Variants in PSTPIP2 observed in about 807,000 individuals in gnomAD.
The protein encoded by PSTPIP2 is proline-serine-threonine phosphatase-interacting protein 2.
PSTPIP2 carries 33 observed loss-of-function variants against 63.3 expected under a neutral mutation model. The ratio of observed to expected loss-of-function variants is 0.52; its 90% CI spans 0.40 to 0.70. The LOEUF is 0.70. Ranked by LOEUF, PSTPIP2 falls within the 30% of genes least tolerant of loss-of-function variation. The pLI, the probability that PSTPIP2 is intolerant of heterozygous loss-of-function variation, is 0.00. For synonymous variants in PSTPIP2, 125 were observed against 132.7 expected, an observed-to-expected ratio of 0.94 and a Z score of 0.40; for missense variants, 312 against 400.7, an observed-to-expected ratio of 0.78 and a Z score of 1.89.
At chr18:45,992,672 T>C (rs567529718) in intron 10 of PSTPIP2, among the ~76,000 whole-genome samples, 2 of 152,190 alleles carry the variant, frequency 1.3e-5, no homozygotes, top group Admixed American at 1.3e-4. Context: ...CAGATTCATA[T>C]TGGAGCTTTT....
intron 2 of PSTPIP2, among the ~76,000 whole-genome samples, chr18:46,032,363 C>A (rs1315876605): frequency 6.6e-6 from 1 of 152,140 alleles, no homozygotes; most frequent in East Asian, 1.9e-4. Context: ...GCTGGCTACG[C>A]TTCACAAAGC....
intron 1 of PSTPIP2, among the ~76,000 whole-genome samples, chr18:46,066,561 C>T (rs1349065143): frequency 1.3e-5 from 2 of 152,172 alleles, no homozygotes; most frequent in Non-Finnish European, 2.9e-5. Flanking sequence ...CAACAAGTTG[C>T]TGTGTTTTCT....
intron 3 of PSTPIP2, 46 bp downstream of exon 3, chr18:46,024,563 G>T: frequency 6.7e-7 from 1 of 1,503,484 alleles, no homozygotes; most frequent in Non-Finnish European, 9.3e-7. Flanking sequence ...GGAGCTCCCA[G>T]GCATTATTAA....
intron 5 of PSTPIP2, among the ~76,000 whole-genome samples, chr18:46,009,217 C>T (rs1042582028): frequency 6.6e-6 from 1 of 151,868 alleles, no homozygotes; most frequent in Admixed American, 6.6e-5. Flanking sequence ...CCTCTTGTGC[C>T]CTCATTTATT....
chr18:46,003,456 T>A (rs1279889958), intron 6 of PSTPIP2, among the ~76,000 whole-genome samples: 2 of 152,148 alleles, frequency 1.3e-5, no homozygotes, highest in Non-Finnish European at 2.9e-5. Context: ...GGTCCCCAGG[T>A]TTTTTACGTG....
chr18:46,056,061 C>T (rs8092933), intron 1 of PSTPIP2, among the ~76,000 whole-genome samples: 2,589 of 152,266 alleles, frequency 0.017, 83 homozygotes, highest in African/African-American at 0.059. Flanking sequence ...CAAACTTGCC[C>T]TCTCCCTTCT....
Position 45,999,458 on chromosome 18 carries a change from A to G in PSTPIP2, c.494T>C (p.Val165Ala). Residue 165 changes from valine (V) to alanine (A), a missense_variant, in exon 7 of 15, where the codon GTG (valine) becomes GCG (alanine). By Grantham distance (64) the Val-to-Ala change is moderately conservative. Transcript: ENST00000409746. ...TACCTTTTCTTGTTGCTTCGGGTTC[A>G]CCAGGTTGGCACTCCGGCTGACGGC... ...EQAVSRSANL[V>A]NPKQQEKLFV... The G allele has an allele frequency of 6.2e-7, 1 of 1,614,162 alleles. No individual in the cohort carries two copies. The highest frequency in any genetic ancestry group is 8.5e-7 in the Non-Finnish European group (1 of 1,180,048).
At chr18:46,047,877 G>C (rs1165550696) in intron 1 of PSTPIP2, among the ~76,000 whole-genome samples, 7 of 152,122 alleles carry the variant, frequency 4.6e-5, no homozygotes, top group Non-Finnish European at 7.4e-5. Context: ...ATATTTACAT[G>C]GTTTCAAAAT....
intron 1 of PSTPIP2, among the ~76,000 whole-genome samples, chr18:46,068,509 G>A (rs1044845283): frequency 9.2e-5 from 14 of 151,776 alleles, no homozygotes; most frequent in East Asian, 4.0e-4. Flanking sequence ...TGTGTTAGCC[G>A]AGATGGTCTC....
chr18:46,068,329 G>C (rs748536272), intron 1 of PSTPIP2, among the ~76,000 whole-genome samples: 1 of 151,888 alleles, frequency 6.6e-6, no homozygotes, highest in African/African-American at 2.4e-5. Flanking sequence ...ACAGATTCTC[G>C]CTCTGTCGCC....
chr18:46,068,267 T>A (rs896203572), intron 1 of PSTPIP2, among the ~76,000 whole-genome samples: 1 of 152,022 alleles, frequency 6.6e-6, no homozygotes. Flanking sequence ...CTACACCATT[T>A]TATAGAAAGA....
At chr18:46,029,546 T>A in intron 2 of PSTPIP2, 1 of 794,674 alleles carries the variant, frequency 1.3e-6, no homozygotes, top group East Asian at 2.4e-5. Flanking sequence ...TGTGGAGCAG[T>A]AAATATAAAT....
At chr18:46,032,552 G>A (rs1231098490) in intron 2 of PSTPIP2, among the ~76,000 whole-genome samples, 2 of 151,866 alleles carry the variant, frequency 1.3e-5, no homozygotes, top group Non-Finnish European at 2.9e-5. Flanking sequence ...TCAAGAGTTC[G>A]AGACTACCCT....
At chr18:46,039,420 C>T (rs1259697934) in intron 2 of PSTPIP2, among the ~76,000 whole-genome samples, 3 of 152,112 alleles carry the variant, frequency 2.0e-5, no homozygotes, top group Non-Finnish European at 4.4e-5. Context: ...CCTCTAACCA[C>T]GTGGGCCATC....
At chr18:45,995,268 A>C (rs2051582404) in intron 9 of PSTPIP2, among the ~76,000 whole-genome samples, 1 of 151,816 alleles carries the variant, frequency 6.6e-6, no homozygotes, top group Non-Finnish European at 1.5e-5. Flanking sequence ...TGCCCGGCTA[A>C]TTTTTATATT....
intron 5 of PSTPIP2, among the ~76,000 whole-genome samples, chr18:46,008,516 T>C (rs1436185315): frequency 6.6e-6 from 1 of 151,992 alleles, no homozygotes; most frequent in Non-Finnish European, 1.5e-5. Flanking sequence ...TTTGCCATGT[T>C]GGCCAGGCTG....
At chr18:46,067,996 AT>A (rs567072979) in intron 1 of PSTPIP2, among the ~76,000 whole-genome samples, 21 of 149,846 alleles carry the variant, frequency 1.4e-4, no homozygotes, top group East Asian at 3.9e-4. Context: ...TTCTTTCTGT[AT>A]TTTTTTTTTA....
intron 1 of PSTPIP2, among the ~76,000 whole-genome samples, chr18:46,043,224 TA>T (rs34454812): frequency 0.043 from 3,314 of 77,284 alleles, 248 homozygotes; most frequent in East Asian, 0.36. Context: ...CACCTCTCCT[TA>T]AAAAAAAAAA....
At chr18:46,020,892 G>A (rs374073286) in intron 3 of PSTPIP2, among the ~76,000 whole-genome samples, 74 of 152,284 alleles carry the variant, frequency 4.9e-4, no homozygotes, top group African/African-American at 1.7e-3. Context: ...CAAGGCAAAC[G>A]TCAAATATGT....
Sources: gnomAD v4.1 joint callset for allele counts (sites outside exome capture counted in the v4.1 genomes callset) on GRCh38, gnomAD v4.1.1 for gene constraint, MANE v1.5 for transcripts, NCBI Gene and HGNC (gene_info 2026-07-23, HGNC 2026-07-21) for gene names.